FRG2C: variants seen among roughly 807,000 people sequenced by gnomAD.
FRG2C encodes the protein FSHD region gene 2 family member C, also known as protein FRG2-like-2.
In FRG2C, 8 loss-of-function variants were observed where a neutral mutation model predicts 14.1. That is an observed-to-expected ratio of 0.57 (90% CI 0.33 to 1.02). FRG2C has a LOEUF of 1.02. FRG2C is among the 50% of genes least tolerant of loss of function. The pLI is 0.03. For synonymous variants in FRG2C, 92 were observed against 127.4 expected (o/e 0.72, Z 1.87); for missense variants, 214 against 334.2 (o/e 0.64, Z 2.80).
intron 3 of FRG2C, 130 bp from the exon 4 acceptor site, chr3:75,665,397 C>G (rs56786283): frequency 0.16 from 239,563 of 1,480,404 alleles, 10,691 homozygotes; most frequent in Non-Finnish European, 0.17. Context: ...AGCCTCACTT[C>G]ATTCCAGTCC....
Position 75,665,767 on chromosome 3 carries a change from C to A in FRG2C, c.575C>A (p.Ala192Asp), listed in dbSNP as rs1206746144. 46 of 1,614,038 alleles carry A rather than the reference C, an allele frequency of 2.8e-5. No individual in the cohort carries two copies. In the South Asian group the frequency reaches 4.5e-4, roughly 16 times the overall value. ...AMSEAVYQDLAQVWAQQIHSP... is the reference protein window; with the variant it reads ...AMSEAVYQDLDQVWAQQIHSP... ...TCGGAGGCTGTTTATCAAGACCTAG[C>A]CCAGGTGTGGGCACAGCAGATCCAT... Residue 192 changes from alanine to aspartate, a missense_variant, in exon 4 of 4, where the codon GCC becomes GAC. Ala to Asp is a moderately radical substitution (Grantham distance 126). This residue lies in a region of FRG2C where 55 missense variants were observed against 118.9 expected (regional missense o/e 0.46). Transcript: ENST00000308062.
intron 1 of FRG2C, 32 bp from the exon 2 acceptor site, chr3:75,664,787 G>A: frequency 6.2e-7 from 1 of 1,613,938 alleles, no homozygotes; most frequent in South Asian, 1.1e-5. Flanking sequence ...TCTGCCTAGG[G>A]AGAGGTGAGC....
chr3:75,665,668 G>T lies in FRG2C; in HGVS notation c.476G>T (p.Arg159Leu). ...AGGGCTTGCACTGGGCGCAGCAAGCGGCATAGGTCTCGGGCCCTAGAAGTC... is the reference window on the plus strand; with the variant it reads ...AGGGCTTGCACTGGGCGCAGCAAGCTGCATAGGTCTCGGGCCCTAGAAGTC... ...SSRACTGRSKRHRSRALEVQT... is the reference protein window; with the variant it reads ...SSRACTGRSKLHRSRALEVQT... Residue 159 changes from arginine to leucine, a missense_variant, in exon 4 of 4, where the codon CGG (arginine) becomes CTG (leucine). Arg to Leu is a moderately radical substitution (Grantham distance 102). Around this residue, in one of 3 missense-constraint regions of FRG2C, gnomAD observed 136 missense variants for 148.1 expected, o/e 0.92. Transcript: ENST00000308062. 1 of 1,599,188 alleles carries T rather than the reference G, an allele frequency of 6.3e-7. No homozygotes were observed. Among genetic ancestry groups the T allele is most frequent in the South Asian group, 1.1e-5 (1 of 90,492 alleles).
At chr3:75,664,955 CAAGGA>C (rs1937046280) in intron 2 of FRG2C, 59 bp downstream of exon 2, 10 of 1,613,792 alleles carry the variant, frequency 6.2e-6, no homozygotes, top group Non-Finnish European at 6.8e-6. Context: ...GCTCCCCTGG[CAAGGA>C]AACTGGGAGC....
Position 75,666,580 on chromosome 3 carries a change from C to G in FRG2C, c.*539C>G, listed in dbSNP as rs36169614. The G allele has an allele frequency of 0.17, 20,804 of 123,416 alleles. No individual in the cohort carries two copies. Among genetic ancestry groups the G allele is most frequent in the Non-Finnish European group, 0.24 (13,108 of 53,568 alleles). The allele number at this position is 123,416 out of a possible 1,614,324, so 7.6% of individuals were successfully genotyped here. A position where few individuals can be genotyped will look rare whatever the true frequency, so the allele number is the denominator to read the frequency against. On this transcript the variant is annotated 3_prime_UTR_variant, in exon 4 of 4. Coordinates refer to ENST00000308062, the MANE Select transcript of FRG2C (RefSeq NM_001124759.5). ...TCTTGTATTGTTAGTAGAGTTTTGT[C>G]ACGTTGGCCAGGTTGGCCTCGGACT... is the stretch of plus-strand genomic sequence containing the variant.
Position 75,665,809 on chromosome 3 carries a change from A to G in FRG2C, c.617A>G (p.Glu206Gly). 1 of 1,614,062 alleles carries G rather than the reference A, an allele frequency of 6.2e-7. No homozygotes were observed. ...CAGATCCATTCTCCACTGACCTGTG[A>G]GCAGCTGACACTGCTCACTCGGCTC... ...AQQIHSPLTC[E>G]QLTLLTRLRG... The change falls in exon 4 of 4, where the codon GAG becomes GGG. Residue 206 changes from glutamate (E) to glycine (G), a missense_variant. By Grantham distance (98) the Glu-to-Gly change is moderately conservative. Transcript: ENST00000308062.
Position 75,665,865 on chromosome 3 carries a change from T to A in FRG2C, c.673T>A (p.Leu225Met), listed in dbSNP as rs4507282. 2 of 1,597,290 alleles carry A rather than the reference T, an allele frequency of 1.3e-6. No individual in the cohort carries two copies. Among genetic ancestry groups the A allele is most frequent in the South Asian group, 2.2e-5 (2 of 90,694 alleles). The change falls in exon 4 of 4, where the codon TTG becomes ATG. Residue 225 changes from leucine (L) to methionine (M), a missense_variant. Leu to Met is a conservative substitution (Grantham distance 15, BLOSUM62 2). This residue lies in a region of FRG2C where 55 missense variants were observed against 118.9 expected (regional missense o/e 0.46). Transcript: ENST00000308062. ...GCCTCTGTGTGCCCAGGTGCAGACC[T>A]TGTATTCCATGGCCACTCAGGCAGC... ...RGPLCAQVQT[L>M]YSMATQAAYV...
chr3:75,664,781 C>T, intron 1 of FRG2C, 38 bp from the exon 2 acceptor site: 1 of 1,613,780 alleles, frequency 6.2e-7, no homozygotes, highest in Non-Finnish European at 8.5e-7. Context: ...TGGGACTCTG[C>T]CTAGGGAGAG....
Position 75,665,168 on chromosome 3 carries a change from A to T in FRG2C, c.299A>T (p.Lys100Ile). The T allele has an allele frequency of 6.2e-7, 1 of 1,614,198 alleles. No individual in the cohort carries two copies. The highest frequency in any genetic ancestry group is 8.5e-7 in the Non-Finnish European group (1 of 1,179,956). ...TATCAGGAAAACTGCAGGAAAAGAAAAATCAGTTCCAAGGATATCTGCCAA... is the reference window on the plus strand; with the variant it reads ...TATCAGGAAAACTGCAGGAAAAGAATAATCAGTTCCAAGGATATCTGCCAA... ...SSYQENCRKRKISSKDICQDR... is the reference protein window; with the variant it reads ...SSYQENCRKRIISSKDICQDR... Residue 100 changes from lysine (K) to isoleucine (I), a missense_variant, in exon 3 of 4, where the codon AAA (lysine) becomes ATA (isoleucine). Coordinates refer to ENST00000308062, the MANE Select transcript of FRG2C (RefSeq NM_001124759.5).
In FRG2C at chr3:75,666,132, A is replaced by T; in HGVS notation, c.*91A>T. 4 of 1,595,158 alleles carry T rather than the reference A, an allele frequency of 2.5e-6. No individual in the cohort carries two copies. The South Asian group carries it at 3.5e-5, about 14-fold the overall frequency. On this transcript the variant is annotated 3_prime_UTR_variant, in exon 4 of 4. Coordinates refer to ENST00000308062, the MANE Select transcript of FRG2C (RefSeq NM_001124759.5). ...AGACGACCAGCAGTGACAATTTTAG[A>T]TGCACTGTGTTAATAAATGACAGAA...
Position 75,665,552 on chromosome 3 carries a change from C to T in FRG2C, c.360C>T (p.Asn120=). ...RAGNCPEEEC[N]LTLNKKSRSS... is the part of the protein sequence containing the mutation. ...GGAACTGTCCAGAAGAGGAGTGCAA[C>T]TTGACGTTGAATAAAAAATCAAGAT... Residue 120 remains asparagine (N), a synonymous_variant, in exon 4 of 4, where the codon AAC becomes AAT. Transcript: ENST00000308062. 1 of 1,613,934 alleles carries T rather than the reference C, an allele frequency of 6.2e-7. No individual in the cohort carries two copies. Among genetic ancestry groups the T allele is most frequent in the Admixed American group, 1.7e-5 (1 of 60,006 alleles).
At position 75,666,177 on chromosome 3, in the gene FRG2C, A is replaced by G. The variant is rs1367160362; in HGVS notation, c.*136A>G. ...ACAGAACCTGAAGAAGTCATAGGAAAGAAACTTGAGCGGTATACTCAGAAT... is the reference window on the plus strand; with the variant it reads ...ACAGAACCTGAAGAAGTCATAGGAAGGAAACTTGAGCGGTATACTCAGAAT... On this transcript the variant is annotated 3_prime_UTR_variant, in exon 4 of 4. Coordinates refer to ENST00000308062, the MANE Select transcript of FRG2C (RefSeq NM_001124759.5). The G allele has an allele frequency of 3.9e-6, 6 of 1,536,328 alleles. No individual in the cohort carries two copies. The African/African-American group carries it at 4.1e-5, about 11-fold the overall frequency.
chr3:75,665,943 G>A lies in FRG2C; in HGVS notation c.751G>A (p.Gly251Arg). ...WLVPATLPGP[G>R]DSALDREAHP... Reference sequence around the variant, plus strand: ...TGTCCCAGCCACACTGCCTGGTCCTGGGGATTCAGCCCTGGATAGAGAAGC... The same window carrying A: ...TGTCCCAGCCACACTGCCTGGTCCTAGGGATTCAGCCCTGGATAGAGAAGC... The change falls in exon 4 of 4, where the codon GGG (glycine) becomes AGG (arginine). Residue 251 changes from glycine (G) to arginine (R), a missense_variant. Physicochemically the swap from Gly to Arg is moderately radical, Grantham distance 125. This residue lies in a region of FRG2C where 55 missense variants were observed against 118.9 expected (regional missense o/e 0.46). Transcript: ENST00000308062. The A allele has an allele frequency of 6.2e-7, 1 of 1,612,542 alleles. No homozygotes were observed. The highest frequency in any genetic ancestry group is 1.1e-5 in the South Asian group (1 of 91,002).
At position 75,665,628 on chromosome 3, in the gene FRG2C, C is replaced by T. The variant is rs371261449; in HGVS notation, c.436C>T (p.His146Tyr). The change falls in exon 4 of 4, where the codon CAT becomes TAT. Residue 146 changes from histidine to tyrosine, a missense_variant. Coordinates refer to ENST00000308062, the MANE Select transcript of FRG2C (RefSeq NM_001124759.5). ...AATCCAGGAGACCTGTGATGCCCAC[C>T]ATAGGGGAAGTTCCAGGGCTTGCAC... ...SEIQETCDAH[H>Y]RGSSRACTGR... 3 of 1,614,048 alleles carry T rather than the reference C, an allele frequency of 1.9e-6. No individual in the cohort carries two copies. Among genetic ancestry groups the T allele is most frequent in the Admixed American group, 3.3e-5 (2 of 60,026 alleles).
Position 75,665,651 on chromosome 3 carries a change from C to T in FRG2C, c.459C>T (p.Cys153=). 6.2e-7 allele frequency: 1 copy of T among 1,614,070 alleles called. No individual in the cohort carries two copies. The highest frequency in any genetic ancestry group is 1.1e-5 in the South Asian group (1 of 91,082). ...DAHHRGSSRA[C]TGRSKRHRSR... ...ACCATAGGGGAAGTTCCAGGGCTTG[C>T]ACTGGGCGCAGCAAGCGGCATAGGT... Residue 153 remains cysteine, a synonymous_variant, in exon 4 of 4, where the codon TGC becomes TGT. Transcript: ENST00000308062.
intron 2 of FRG2C, 107 bp from the exon 3 acceptor site, chr3:75,665,019 A>G: frequency 1.3e-6 from 2 of 1,589,348 alleles, no homozygotes; most frequent in South Asian, 2.2e-5. Context: ...AGAACAGAAG[A>G]GAGCTGGGGT....
At position 75,665,177 on chromosome 3, in the gene FRG2C, C is replaced by A; in HGVS notation, c.308C>A (p.Ser103Tyr). 6.2e-7 allele frequency: 1 copy of A among 1,614,148 alleles called. No homozygotes were observed. The highest frequency in any genetic ancestry group is 8.5e-7 in the Non-Finnish European group (1 of 1,179,908). Reference sequence around the variant, plus strand: ...AACTGCAGGAAAAGAAAAATCAGTTCCAAGGATATCTGCCAAGACAGAGCA... The same window carrying A: ...AACTGCAGGAAAAGAAAAATCAGTTACAAGGATATCTGCCAAGACAGAGCA... ...QENCRKRKIS[S>Y]KDICQDRAGN... Residue 103 changes from serine to tyrosine, a missense_variant, in exon 3 of 4, where the codon TCC (serine) becomes TAC (tyrosine). Ser to Tyr is a moderately radical substitution (Grantham distance 144). Transcript: ENST00000308062.
Position 75,665,572 on chromosome 3 carries a change from C to T in FRG2C, c.380C>T (p.Ser127Leu), listed in dbSNP as rs1429217850. The T allele has an allele frequency of 4.3e-6, 7 of 1,613,834 alleles. No individual in the cohort carries two copies. The African/African-American group carries it at 9.3e-5, about 22-fold the overall frequency. ...TGCAACTTGACGTTGAATAAAAAAT[C>T]AAGATCCTCCACTGCTGTGCACAAC... ...EECNLTLNKKSRSSTAVHNSE... is the reference protein window; with the variant it reads ...EECNLTLNKKLRSSTAVHNSE... The change falls in exon 4 of 4, where the codon TCA (serine) becomes TTA (leucine). Residue 127 changes from serine to leucine, a missense_variant. Ser to Leu is a moderately radical substitution (Grantham distance 145, BLOSUM62 -2). This residue lies in a region of FRG2C where 136 missense variants were observed against 148.1 expected (regional missense o/e 0.92). Transcript: ENST00000308062.
In FRG2C at chr3:75,665,276, A is replaced by G; in HGVS notation, c.334+73A>G. ...GTTTTTGGTTTGCCCCAAAAGGCAA[A>G]TAATCAGGAAACTTTTATACGAGGC... On this transcript the variant is annotated intron_variant, in intron 3 of 3. Coordinates refer to ENST00000308062, the MANE Select transcript of FRG2C (RefSeq NM_001124759.5). 6 of 1,519,682 alleles carry G rather than the reference A, an allele frequency of 3.9e-6. No homozygotes were observed. The South Asian group carries it at 5.6e-5, about 14-fold the overall frequency. 94.1% of individuals were successfully genotyped at this position (1,519,682 alleles called of 1,614,324 possible). A position where few individuals can be genotyped will look rare whatever the true frequency, so the allele number is the denominator to read the frequency against.
Sources: allele counts gnomAD v4.1 joint callset, GRCh38; gene constraint gnomAD v4.1.1; regional missense constraint gnomAD v4.1.1; transcripts MANE v1.5; gene names NCBI Gene and HGNC (gene_info 2026-07-23, HGNC 2026-07-21).